Variants in UNC79 observed in about 807,000 individuals in gnomAD.
UNC79 encodes the protein unc-79 subunit of NALCN channel complex, also known as protein unc-79 homolog.
UNC79 carries 37 observed loss-of-function variants against 283.1 expected under a neutral mutation model. That is an observed-to-expected ratio of 0.13 (90% CI 0.10 to 0.17). UNC79 has a LOEUF of 0.17. Among genes scored for constraint, UNC79 ranks in the 10% least tolerant of loss-of-function variants. The probability of loss-of-function intolerance (pLI) is 1.00; values close to 1 mark genes in which losing one functional copy is unlikely to be tolerated. For missense variants in UNC79, 2,272 were observed against 3,211.1 expected (o/e 0.71, Z 7.07); for synonymous variants, 1,107 against 1,200.2 (o/e 0.92, Z 1.61).
chr14:93,506,653 T>C (rs1041140819), intron 7 of UNC79, among the ~76,000 whole-genome samples: 23 of 152,168 alleles, frequency 1.5e-4, no homozygotes, highest in African/African-American at 5.3e-4. Flanking sequence ...TTATGTATGT[T>C]TGTCTTTTTG....
chr14:93,660,040 A>G (rs905120191), intron 39 of UNC79, among the ~76,000 whole-genome samples: 1 of 152,224 alleles, frequency 6.6e-6, no homozygotes, highest in Admixed American at 6.5e-5. Flanking sequence ...CACAAGCTTC[A>G]AGAAGTTCTG....
chr14:93,705,533 A>T (rs1345266402), intron 48 of UNC79, among the ~76,000 whole-genome samples: 1 of 152,190 alleles, frequency 6.6e-6, no homozygotes, highest in Non-Finnish European at 1.5e-5. Context: ...GCCTCATTTT[A>T]TATATGAAGA....
At chr14:93,487,604 A>G (rs1469026102) in intron 4 of UNC79, 59 bp from the exon 5 acceptor site, 3 of 1,423,152 alleles carry the variant, frequency 2.1e-6, no homozygotes, top group Non-Finnish European at 2.9e-6. Context: ...TGCTCTGTGC[A>G]AAGTAACAGG....
In UNC79 at chr14:93,706,796, C is replaced by T. The variant is rs1172258600; in HGVS notation, c.7683C>T (p.Ser2561=). The T allele has an allele frequency of 1.9e-6, 3 of 1,614,260 alleles. No homozygotes were observed. The African/African-American group carries it at 4.0e-5, about 22-fold the overall frequency. Residue 2561 remains serine (S), a synonymous_variant, in exon 49 of 49, where the codon AGC becomes AGT. Transcript: ENST00000555664. ...GGACGCTGCCGGGCTCGGGCCAGAGCAGTGCTGGCCTGGCAGCCCTCCGAA... is the reference window on the plus strand; with the variant it reads ...GGACGCTGCCGGGCTCGGGCCAGAGTAGTGCTGGCCTGGCAGCCCTCCGAA...
chr14:93,697,897 C>A (rs2075267155), intron 47 of UNC79, among the ~76,000 whole-genome samples: 1 of 152,196 alleles, frequency 6.6e-6, no homozygotes, highest in East Asian at 1.9e-4. Context: ...TTCCTCTAAG[C>A]ACTGGTTTAG....
Position 93,621,133 on chromosome 14 carries a change from C to A in UNC79, c.4388-488C>A. The A allele has an allele frequency of 2.5e-6, 1 of 406,746 alleles. No homozygotes were observed. Among genetic ancestry groups the A allele is most frequent in the Non-Finnish European group, 4.8e-6 (1 of 207,580 alleles). The allele number at this position is 406,746 out of a possible 1,614,324, so 25.2% of individuals were successfully genotyped here. A position where few individuals can be genotyped will look rare whatever the true frequency, so the allele number is the denominator to read the frequency against. On this transcript the variant is annotated intron_variant, in intron 29 of 48. Coordinates refer to ENST00000555664, the Ensembl canonical transcript of UNC79. This position sits in a 1 kb window ranked among gnomAD's most constrained non-coding sequence, Gnocchi z 4.8. The stretch of plus-strand genomic sequence containing the variant: ...ATCTTAATTTTATTATGTTACTACA[C>A]ATTTTAATACCGTTGATTTATATAT...
At chr14:93,361,572 G>T (rs1595388141) in intron 1 of UNC79, among the ~76,000 whole-genome samples, 1 of 151,988 alleles carries the variant, frequency 6.6e-6, no homozygotes, top group South Asian at 2.1e-4. Context: ...TGCTGAAGTT[G>T]TTTCTCAAAT....
At chr14:93,396,594 A>G (rs893427435) in intron 1 of UNC79, among the ~76,000 whole-genome samples, 2 of 151,924 alleles carry the variant, frequency 1.3e-5, no homozygotes, top group Admixed American at 6.6e-5. Context: ...TCTTGTTGCT[A>G]CTGTTTGTTT....
At chr14:93,491,909 G>A (rs1280820826) in intron 5 of UNC79, among the ~76,000 whole-genome samples, 2 of 152,200 alleles carry the variant, frequency 1.3e-5, no homozygotes, top group Non-Finnish European at 2.9e-5. Flanking sequence ...TTGTGATATA[G>A]GAAGCACTTA....
chr14:93,493,474 A>G (rs2058836730), intron 5 of UNC79, among the ~76,000 whole-genome samples: 1 of 152,180 alleles, frequency 6.6e-6, no homozygotes, highest in Admixed American at 6.5e-5. Flanking sequence ...CAGGTTGGAT[A>G]TAGATTGACC....
intron 5 of UNC79, among the ~76,000 whole-genome samples, chr14:93,494,538 G>A (rs563322240): frequency 7.2e-5 from 11 of 152,304 alleles, no homozygotes; most frequent in South Asian, 2.1e-4. Context: ...TGGGTCTGGA[G>A]CTCAGAACAG....
At chr14:93,683,465 A>G (rs183805152) in intron 42 of UNC79, among the ~76,000 whole-genome samples, 137 of 152,294 alleles carry the variant, frequency 9.0e-4, no homozygotes, top group African/African-American at 3.1e-3. Flanking sequence ...ACCCAACTGC[A>G]AGGGATGATG....
intron 12 of UNC79, among the ~76,000 whole-genome samples, chr14:93,538,905 T>A (rs1164298255): frequency 6.6e-6 from 1 of 151,692 alleles, no homozygotes; most frequent in East Asian, 1.9e-4. Flanking sequence ...GTTTTTGTTT[T>A]ATTTTGTTTT....
chr14:93,600,735 A>G, exon 25 of UNC79: 1 of 1,613,754 alleles, frequency 6.2e-7, no homozygotes, highest in Non-Finnish European at 8.5e-7. Context: ...GCCCAGCTAC[A>G]TTTGGATTGT....
upstream of UNC79, among the ~76,000 whole-genome samples, chr14:93,429,052 T>C (rs1225952181): frequency 2.6e-5 from 4 of 152,234 alleles, no homozygotes; most frequent in Non-Finnish European, 5.9e-5. Context: ...CCAAGACACC[T>C]CTTTTTCATG....
At chr14:93,574,198 TC>T (rs11292338) in intron 16 of UNC79, among the ~76,000 whole-genome samples, 126,704 of 152,200 alleles carry the variant, frequency 0.83, 53,448 homozygotes, top group East Asian at 0.94. Flanking sequence ...TACAGCTTTG[TC>T]CCCCCCTATA....
intron 2 of UNC79, among the ~76,000 whole-genome samples, chr14:93,470,199 C>G (rs2057430006): frequency 6.6e-6 from 1 of 152,018 alleles, no homozygotes; most frequent in Non-Finnish European, 1.5e-5. Flanking sequence ...AAATATGCAA[C>G]TTGAAATTTC....
intron 11 of UNC79, among the ~76,000 whole-genome samples, chr14:93,534,286 T>A (rs1488849730): frequency 6.6e-6 from 1 of 152,234 alleles, no homozygotes. Context: ...CATCTTTTCT[T>A]TTCAATAAGA....
intron 30 of UNC79, 58 bp from the exon 33 acceptor site, chr14:93,630,743 G>A (rs1566816550): frequency 3.6e-6 from 5 of 1,374,150 alleles, no homozygotes; most frequent in Non-Finnish European, 5.2e-6. Context: ...TATAGAAAAG[G>A]TTCTTGAACT....
Sources: allele counts gnomAD v4.1 joint callset (sites outside exome capture counted in the v4.1 genomes callset), GRCh38; gene constraint gnomAD v4.1.1; non-coding constraint Gnocchi (gnomAD v3.1); transcripts MANE v1.5; gene names NCBI Gene and HGNC (gene_info 2026-07-23, HGNC 2026-07-21).